Variants in NCKAP5 observed in about 807,000 individuals in gnomAD.
NCKAP5 encodes nck-associated protein 5.
Under a neutral mutation model 167.0 loss-of-function variants are expected in NCKAP5, and 92 were observed. The ratio of observed to expected loss-of-function variants is 0.55; its 90% CI spans 0.47 to 0.66. NCKAP5 has a LOEUF of 0.66. NCKAP5 is among the 30% of genes least tolerant of loss of function. The pLI is 0.00. For missense variants in NCKAP5, 2,378 were observed against 2,315.0 expected (o/e 1.03, Z -0.56); for synonymous variants, 891 against 877.4 (o/e 1.02, Z -0.27).
the NCKAP5 span, among the ~76,000 whole-genome samples, chr2:133,578,546 G>A: frequency 1.3e-5 from 2 of 152,178 alleles, no homozygotes; most frequent in Admixed American, 6.5e-5. Flanking sequence ...CCATGTAGGA[G>A]CATAAACGCC....
At chr2:132,975,870 C>T (rs1007560874) in intron 7 of NCKAP5, among the ~76,000 whole-genome samples, 7 of 151,838 alleles carry the variant, frequency 4.6e-5, no homozygotes, top group African/African-American at 1.7e-4. Context: ...AAGGAATTCA[C>T]AGGGTAGGGA....
chr2:133,492,066 T>C (rs375657779), intron 3 of NCKAP5, among the ~76,000 whole-genome samples: 1 of 151,784 alleles, frequency 6.6e-6, no homozygotes, highest in Admixed American at 6.6e-5. Flanking sequence ...CAGGCCAGCA[T>C]GCTTGCTCCC....
chr2:133,116,351 G>A (rs1462319714), intron 6 of NCKAP5, among the ~76,000 whole-genome samples: 1 of 125,020 alleles, frequency 8.0e-6, no homozygotes, highest in South Asian at 2.6e-4. Context: ...AGCCGGGCGT[G>A]GTGGCGGGCG....
intron 3 of NCKAP5, among the ~76,000 whole-genome samples, chr2:133,333,207 T>C (rs1016739638): frequency 6.6e-6 from 1 of 152,180 alleles, no homozygotes; most frequent in Non-Finnish European, 1.5e-5. Context: ...TCATAGGAGA[T>C]TGGAAGTTAA....
At chr2:133,579,958 T>C in the NCKAP5 span, among the ~76,000 whole-genome samples, 1 of 152,242 alleles carries the variant, frequency 6.6e-6, no homozygotes, top group Non-Finnish European at 1.5e-5. Context: ...TATTTTTGGC[T>C]TTCATACATG....
At chr2:133,316,220 C>T (rs919724063) in intron 3 of NCKAP5, among the ~76,000 whole-genome samples, 2 of 152,192 alleles carry the variant, frequency 1.3e-5, no homozygotes, top group African/African-American at 2.4e-5. Context: ...ACACACTGAA[C>T]CTTTCCTTGA....
At chr2:133,533,055 T>C (rs1685487749) in intron 2 of NCKAP5, among the ~76,000 whole-genome samples, 1 of 152,186 alleles carries the variant, frequency 6.6e-6, no homozygotes, top group South Asian at 2.1e-4. Context: ...AGTTCTGAAT[T>C]ATTTCACTAG....
At chr2:133,671,252 G>C in the NCKAP5 span, among the ~76,000 whole-genome samples, 1 of 142,278 alleles carries the variant, frequency 7.0e-6, no homozygotes, top group Non-Finnish European at 1.5e-5. Flanking sequence ...AAGAAACAAA[G>C]ATGCTTGTTT....
At chr2:133,643,473 T>C in the NCKAP5 span, among the ~76,000 whole-genome samples, 5 of 152,322 alleles carry the variant, frequency 3.3e-5, no homozygotes, top group East Asian at 9.6e-4. Context: ...GAATCATCTG[T>C]GATTTCCCTC....
intron 6 of NCKAP5, among the ~76,000 whole-genome samples, chr2:133,027,121 C>T (rs1184640127): frequency 2.0e-5 from 3 of 152,114 alleles, no homozygotes; most frequent in East Asian, 1.9e-4. Context: ...GTAATAATGG[C>T]GTCTCCCTGT....
At chr2:133,584,941 A>AGAAGGAAGGAAGGAAGGAAGGAAG in the NCKAP5 span, among the ~76,000 whole-genome samples, 93 of 113,866 alleles carry the variant, frequency 8.2e-4, 1 homozygote, top group Middle Eastern at 8.9e-3. Flanking sequence ...AAAAAAAGAA[A>AGAAGGAAGGAAGGAAGGAAGGAAG]GAAGGAAGGA....
chr2:133,448,012 C>T (rs548805788), intron 3 of NCKAP5, among the ~76,000 whole-genome samples: 1 of 152,236 alleles, frequency 6.6e-6, no homozygotes, highest in Non-Finnish European at 1.5e-5. Context: ...GCAAACATGC[C>T]TATTAAACAT....
chr2:132,738,451 C>T (rs549278368), intron 16 of NCKAP5, among the ~76,000 whole-genome samples: 2 of 152,190 alleles, frequency 1.3e-5, no homozygotes, highest in Non-Finnish European at 2.9e-5. Context: ...CTGTTTAACA[C>T]CAGCATCCAC....
At chr2:133,302,800 A>AAAAT (rs995844335) in intron 4 of NCKAP5, among the ~76,000 whole-genome samples, 58 of 151,292 alleles carry the variant, frequency 3.8e-4, no homozygotes, top group South Asian at 1.0e-3. Flanking sequence ...AAAAATAAAA[A>AAAAT]AAATAAATAA....
At chr2:133,117,457 T>C (rs1479434756) in intron 6 of NCKAP5, 4 of 152,188 alleles carry the variant, frequency 2.6e-5, no homozygotes, top group Non-Finnish European at 5.9e-5. Flanking sequence ...AACTGGGGTT[T>C]GGGTGCACTG....
rs746223111 is a variant in NCKAP5, at chr2:132,785,646, T to C, written c.1165A>G (p.Asn389Asp). ...SLPSGFASPT[N>D]ELPPTRIKES... Reference sequence around the variant, plus strand: ...TTGATACGAGTTGGAGGTAGTTCATTTGTAGGACTAGCAAAGCCACTTGGG... The same window carrying C: ...TTGATACGAGTTGGAGGTAGTTCATCTGTAGGACTAGCAAAGCCACTTGGG... Residue 389 changes from asparagine (N) to aspartate (D), a missense_variant, in exon 14 of 20, where the codon AAT (asparagine) becomes GAT (aspartate). Around this residue, in one of 3 missense-constraint regions of NCKAP5, gnomAD observed 1,049 missense variants for 1,023.4 expected, o/e 1.02. Transcript: ENST00000409261. 132 of 1,527,648 alleles carry C rather than the reference T, an allele frequency of 8.6e-5. No homozygotes were observed. The East Asian group carries it at 2.9e-3, about 33-fold the overall frequency. The allele number at this position is 1,527,648 out of a possible 1,614,324, so 94.6% of individuals were successfully genotyped here.
chr2:132,802,481 G>T lies in NCKAP5; in HGVS notation c.808-5752C>A, dbSNP rs187600996. The stretch of plus-strand genomic sequence containing the variant: ...GTCTTAGGCGGGCCCTGGGCCCAGG[G>T]TTTGATTCCCTTTGAGCCCAACACA... On this transcript the variant is annotated intron_variant, in intron 11 of 19. Transcript: ENST00000409261. 1.1e-4 allele frequency among the ~76,000 whole-genome samples: 17 copies of T among 152,248 alleles called. No individual in the cohort carries two copies. In the East Asian group the frequency reaches 3.3e-3, roughly 29 times the overall value.
chr2:132,883,137 A>G (rs1050361391), intron 8 of NCKAP5, among the ~76,000 whole-genome samples: 3 of 150,952 alleles, frequency 2.0e-5, no homozygotes, highest in African/African-American at 7.3e-5. Flanking sequence ...CAGGAGGTCA[A>G]GGCTGCATGA....
At chr2:133,655,771 GC>G in the NCKAP5 span, among the ~76,000 whole-genome samples, 16 of 152,222 alleles carry the variant, frequency 1.1e-4, no homozygotes, top group Non-Finnish European at 2.4e-4. Flanking sequence ...GATGTTGGCA[GC>G]AGAATTTCAA....
Sources: allele counts gnomAD v4.1 joint callset (sites outside exome capture counted in the v4.1 genomes callset), GRCh38; gene constraint gnomAD v4.1.1; regional missense constraint gnomAD v4.1.1; transcripts MANE v1.5; gene names NCBI Gene and HGNC (gene_info 2026-07-23, HGNC 2026-07-21).